Variants in TTBK2 observed in about 807,000 individuals in gnomAD.
TTBK2 encodes tau-tubulin kinase 2.
TTBK2 carries 28 observed loss-of-function variants against 110.8 expected under a neutral mutation model. The ratio of observed to expected loss-of-function variants is 0.25; its 90% CI spans 0.19 to 0.35. The LOEUF (loss-of-function observed/expected upper bound fraction) is 0.35. TTBK2 is among the 10% of genes least tolerant of loss of function. The pLI, the probability that TTBK2 is intolerant of heterozygous loss-of-function variation, is 1.00. For synonymous variants in TTBK2, 532 were observed against 527.3 expected (o/e 1.01, Z -0.12); for missense variants, 1,369 against 1,500.3 (o/e 0.91, Z 1.45).
At chr15:42,900,146 C>A (rs533799760) in intron 1 of TTBK2, among the ~76,000 whole-genome samples, 2 of 151,396 alleles carry the variant, frequency 1.3e-5, no homozygotes, top group Admixed American at 6.6e-5. Context: ...GCACCCACCA[C>A]CACGCCCGGC....
intron 13 of TTBK2, among the ~76,000 whole-genome samples, chr15:42,772,887 T>C (rs916924060): frequency 3.4e-4 from 51 of 152,030 alleles, no homozygotes; most frequent in Non-Finnish European, 1.8e-4. Flanking sequence ...TTGAGACCAG[T>C]CTGGGCAACA....
chr15:42,790,586 C>T (rs58071203), intron 10 of TTBK2, among the ~76,000 whole-genome samples: 5,238 of 151,696 alleles, frequency 0.035, 218 homozygotes, highest in East Asian at 0.12. Context: ...GTGCCTGGCC[C>T]GTACTTTAAT....
rs546675982 is a variant in TTBK2, at chr15:42,781,124, C to T, written c.1197+2295G>A. 4.4e-4 allele frequency among the ~76,000 whole-genome samples: 67 copies of T among 151,504 alleles called. No homozygotes were observed. In the South Asian group the frequency reaches 0.014, roughly 31 times the overall value. On this transcript the variant is annotated intron_variant, in intron 11 of 14. Coordinates refer to ENST00000267890, the MANE Select transcript of TTBK2 (RefSeq NM_173500.4). The stretch of plus-strand genomic sequence containing the variant: ...AGATAAAGGCAGAAAAAAGATACAC[C>T]AGGCATGTACTACCCAAAAGAAAGT...
At chr15:42,870,733 T>C (rs1213906002) in intron 3 of TTBK2, among the ~76,000 whole-genome samples, 2 of 151,334 alleles carry the variant, frequency 1.3e-5, no homozygotes, top group African/African-American at 4.9e-5. Context: ...TGGTGGTGTA[T>C]GCCTGTAGTC....
At chr15:42,816,841 C>CCTG (rs1892050276) in intron 7 of TTBK2, among the ~76,000 whole-genome samples, 191 bp downstream of exon 7, 1 of 151,892 alleles carries the variant, frequency 6.6e-6, no homozygotes, top group Non-Finnish European at 1.5e-5. Flanking sequence ...ATCACTTGAA[C>CCTG]CCGGGAGGCA....
intron 1 of TTBK2, among the ~76,000 whole-genome samples, chr15:42,887,738 T>C (rs887229143): frequency 6.6e-6 from 1 of 152,148 alleles, no homozygotes. Context: ...TGCTTTTTTT[T>C]CACTATTCCT....
chr15:42,894,953 A>G (rs900266509), intron 1 of TTBK2, among the ~76,000 whole-genome samples: 1 of 152,192 alleles, frequency 6.6e-6, no homozygotes, highest in Admixed American at 6.5e-5. Context: ...ATAGTCTAAA[A>G]ATGAAAACCA....
chr15:42,815,954 A>ATATATATATATATATATATT (rs1393860735), intron 7 of TTBK2, among the ~76,000 whole-genome samples: 2 of 53,390 alleles, frequency 3.7e-5, no homozygotes, highest in Non-Finnish European at 6.4e-5. Context: ...ATATTTAAAA[A>ATATATATATATATATATATT]AAAAATATAT....
intron 14 of TTBK2, among the ~76,000 whole-genome samples, chr15:42,751,474 A>G (rs2061864937): frequency 6.6e-6 from 1 of 152,206 alleles, no homozygotes; most frequent in Non-Finnish European, 1.5e-5. Context: ...CAGTGGCTCA[A>G]GCCTGTAATC....
chr15:42,881,772 G>A (rs1419351639), intron 1 of TTBK2, among the ~76,000 whole-genome samples: 5 of 151,982 alleles, frequency 3.3e-5, no homozygotes, highest in Non-Finnish European at 5.9e-5. Context: ...TCGGGAAGCT[G>A]AGGCAGGAGA....
intron 9 of TTBK2, among the ~76,000 whole-genome samples, chr15:42,800,693 G>T (rs540150356): frequency 2.6e-5 from 4 of 151,536 alleles, no homozygotes; most frequent in East Asian, 3.9e-4. Flanking sequence ...GTGATAAGTA[G>T]ATGCAATAGA....
chr15:42,827,919 A>C lies in TTBK2; in HGVS notation c.537+9T>G, dbSNP rs2140979939. 1 of 1,608,128 alleles carries C rather than the reference A, an allele frequency of 6.2e-7. No individual in the cohort carries two copies. Among genetic ancestry groups the C allele is most frequent in the African/African-American group, 1.3e-5 (1 of 74,932 alleles). On this transcript the variant is annotated intron_variant, in intron 6 of 14. Transcript: ENST00000267890. ...ATCAAATATTTGATAATAATATGAA[A>C]AATCTTACTGGTCTGACGTCACCAC... is the stretch of plus-strand genomic sequence containing the variant.
intron 9 of TTBK2, chr15:42,802,216 A>G (rs761763718): frequency 1.1e-6 from 1 of 919,426 alleles, no homozygotes; most frequent in Non-Finnish European, 1.8e-6. Context: ...GTTGACAGTG[A>G]TGGTGGTGAT....
chr15:42,824,450 G>A (rs1420824739), intron 6 of TTBK2, among the ~76,000 whole-genome samples: 8 of 152,092 alleles, frequency 5.3e-5, no homozygotes, highest in Non-Finnish European at 1.2e-4. Flanking sequence ...CTGGATGAAG[G>A]TACACGGTAA....
At position 42,786,655 on chromosome 15, in the gene TTBK2, T is replaced by C. The variant is rs79516700; in HGVS notation, c.981-3020A>G. ...ACTTCTACTTTCATTCAATCCTACT[T>C]TTTCTCTTATCTCTTATGCTTCAAT... On this transcript the variant is annotated intron_variant, in intron 10 of 14. Coordinates refer to ENST00000267890, the MANE Select transcript of TTBK2 (RefSeq NM_173500.4). 3.6e-3 allele frequency among the ~76,000 whole-genome samples: 541 copies of C among 152,162 alleles called. 2 individuals carry two copies. The highest frequency in any genetic ancestry group is 0.013 in the African/African-American group (519 of 41,478).
chr15:42,800,947 C>G, intron 9 of TTBK2: 1 of 732,160 alleles, frequency 1.4e-6, no homozygotes. Flanking sequence ...GCAGGAGGGA[C>G]AGGCTGGGAG....
chr15:42,780,513 G>A (rs964945558), intron 11 of TTBK2, among the ~76,000 whole-genome samples: 1 of 151,766 alleles, frequency 6.6e-6, no homozygotes, highest in African/African-American at 2.4e-5. Context: ...AAATTTCCAG[G>A]ACAACTACCA....
intron 3 of TTBK2, among the ~76,000 whole-genome samples, chr15:42,862,387 A>G (rs1296398052): frequency 6.6e-6 from 1 of 152,222 alleles, no homozygotes. Flanking sequence ...TTAATTCACC[A>G]TGATCAAGTA....
At chr15:42,895,289 G>C (rs542230925) in intron 1 of TTBK2, among the ~76,000 whole-genome samples, 4 of 152,202 alleles carry the variant, frequency 2.6e-5, no homozygotes, top group South Asian at 4.1e-4. Context: ...AGATCAGTGA[G>C]CTATCTGCAA....
Sources: gnomAD v4.1 joint callset for allele counts (sites outside exome capture counted in the v4.1 genomes callset) on GRCh38, gnomAD v4.1.1 for gene constraint, MANE v1.5 for transcripts, NCBI Gene and HGNC (gene_info 2026-07-23, HGNC 2026-07-21) for gene names.